TPTE: variants seen among roughly 807,000 people sequenced by gnomAD.
TPTE encodes the protein putative tyrosine-protein phosphatase TPTE.
In TPTE, 59 loss-of-function variants were observed where a neutral mutation model predicts 84.1. The observed-to-expected ratio is 0.70, with a 90% CI of 0.57 to 0.87. The LOEUF (loss-of-function observed/expected upper bound fraction) is 0.87, where lower values mean the gene tolerates loss of function less well. TPTE is among the 40% of genes least tolerant of loss of function. The probability of loss-of-function intolerance (pLI) is 0.00; values close to 1 mark genes in which losing one functional copy is unlikely to be tolerated. For synonymous variants in TPTE, 130 were observed against 223.5 expected, an observed-to-expected ratio of 0.58 and a Z score of 3.73; for missense variants, 382 against 659.6, an observed-to-expected ratio of 0.58 and a Z score of 4.61.
chr21:10,560,107 T>G (rs1190060254), intron 9 of TPTE, among the ~76,000 whole-genome samples: 1 of 152,312 alleles, frequency 6.6e-6, no homozygotes, highest in Non-Finnish European at 1.5e-5. Context: ...AAATGGCTTT[T>G]GCCTAAGATT....
At chr21:10,548,814 G>T (rs1246377684) in intron 7 of TPTE, among the ~76,000 whole-genome samples, 2 of 152,308 alleles carry the variant, frequency 1.3e-5, no homozygotes, top group Non-Finnish European at 2.9e-5. Flanking sequence ...CTCCTGGAGT[G>T]CATGCTTCCA....
At chr21:10,603,784 A>C in intron 23 of TPTE, 152 bp downstream of exon 23, 2 of 1,061,598 alleles carry the variant, frequency 1.9e-6, no homozygotes, top group Non-Finnish European at 2.8e-6. Context: ...TACTCTTCTT[A>C]CTTTGGTTAT....
chr21:10,566,183 C>A (rs1167915047), intron 10 of TPTE, among the ~76,000 whole-genome samples: 1 of 152,308 alleles, frequency 6.6e-6, no homozygotes, highest in Admixed American at 6.5e-5. Context: ...ATAATCTAAT[C>A]TTTTAAATGA....
chr21:10,531,858 G>C (rs2074184159), intron 3 of TPTE, among the ~76,000 whole-genome samples: 1 of 152,302 alleles, frequency 6.6e-6, no homozygotes, highest in Non-Finnish European at 1.5e-5. Flanking sequence ...TGTTAGGTGG[G>C]GATTTGGTTT....
intron 3 of TPTE, among the ~76,000 whole-genome samples, chr21:10,536,526 A>G (rs2074268397): frequency 1.3e-5 from 2 of 152,310 alleles, no homozygotes; most frequent in South Asian, 4.1e-4. Context: ...AGAAATATAT[A>G]TGCAGATATA....
chr21:10,575,276 C>G (rs1194972306), intron 14 of TPTE, among the ~76,000 whole-genome samples: 1 of 152,310 alleles, frequency 6.6e-6, no homozygotes, highest in African/African-American at 2.4e-5. Context: ...AAGCAGGACC[C>G]CAATCAATTC....
intron 10 of TPTE, among the ~76,000 whole-genome samples, chr21:10,566,183 C>G (rs1167915047): frequency 6.6e-6 from 1 of 152,308 alleles, no homozygotes; most frequent in Non-Finnish European, 1.5e-5. Flanking sequence ...ATAATCTAAT[C>G]TTTTAAATGA....
At chr21:10,538,880 A>G in intron 4 of TPTE, 146 bp downstream of exon 4, 2 of 1,562,304 alleles carry the variant, frequency 1.3e-6, no homozygotes, top group Non-Finnish European at 8.8e-7. Context: ...TCCACTAACA[A>G]ATCCATGCAT....
chr21:10,550,677 A>G (rs1227876868), intron 7 of TPTE, among the ~76,000 whole-genome samples: 1 of 152,308 alleles, frequency 6.6e-6, no homozygotes, highest in African/African-American at 2.4e-5. Flanking sequence ...CACTCTCAGC[A>G]TTGGACAAAT....
intron 17 of TPTE, among the ~76,000 whole-genome samples, chr21:10,588,417 G>C (rs1405555176): frequency 6.6e-6 from 1 of 152,308 alleles, no homozygotes; most frequent in African/African-American, 2.4e-5. Flanking sequence ...TGTGTGATCT[G>C]GCCTTTTTCT....
At chr21:10,553,187 C>G (rs1440163354) in intron 8 of TPTE, among the ~76,000 whole-genome samples, 1 of 152,308 alleles carries the variant, frequency 6.6e-6, no homozygotes. Flanking sequence ...TTTCTAATCT[C>G]ACTAGAGTAC....
intron 7 of TPTE, among the ~76,000 whole-genome samples, chr21:10,551,727 ACCT>A (rs1357204995): frequency 1.3e-5 from 2 of 152,412 alleles, no homozygotes; most frequent in East Asian, 3.8e-4. Flanking sequence ...AAAAAAAGAG[ACCT>A]CATAACAGAT....
At chr21:10,561,235 T>A (rs759491726) in intron 10 of TPTE, 44 bp downstream of exon 10, 1 of 1,605,874 alleles carries the variant, frequency 6.2e-7, no homozygotes, top group Non-Finnish European at 8.5e-7. Context: ...ACTTTGTAGT[T>A]TTATAAGAAG....
intron 7 of TPTE, among the ~76,000 whole-genome samples, chr21:10,550,983 A>C (rs1485876077): frequency 6.6e-6 from 1 of 152,306 alleles, no homozygotes; most frequent in African/African-American, 2.4e-5. Context: ...TGGAAATTAA[A>C]CAACATGCCC....
chr21:10,574,291 G>A (rs2075106873), intron 14 of TPTE, among the ~76,000 whole-genome samples: 2 of 152,426 alleles, frequency 1.3e-5, no homozygotes, highest in South Asian at 4.1e-4. Flanking sequence ...GAGGTGGAAG[G>A]AGTACCTCTC....
intron 11 of TPTE, among the ~76,000 whole-genome samples, chr21:10,568,944 G>A (rs2074982653): frequency 6.6e-6 from 1 of 152,312 alleles, no homozygotes; most frequent in Non-Finnish European, 1.5e-5. Context: ...CCTCCCTGAT[G>A]TGTAGTAGCA....
intron 3 of TPTE, among the ~76,000 whole-genome samples, chr21:10,529,003 G>T (rs2074130455): frequency 6.6e-6 from 1 of 152,276 alleles, no homozygotes; most frequent in Non-Finnish European, 1.5e-5. Flanking sequence ...TGGCCATATG[G>T]TAAAACCGCG....
At chr21:10,601,926 TTATG>T in intron 21 of TPTE, 128 bp from the exon 22 acceptor site, 2 of 875,742 alleles carry the variant, frequency 2.3e-6, no homozygotes, top group South Asian at 1.6e-5. Flanking sequence ...TAATAATTAT[TTATG>T]TATGTAGTGA....
intron 3 of TPTE, among the ~76,000 whole-genome samples, chr21:10,529,334 A>T (rs1316222387): frequency 2.0e-5 from 3 of 152,308 alleles, no homozygotes; most frequent in East Asian, 1.9e-4. Context: ...TAGGAAGATG[A>T]TGCAAAGATG....
Sources: allele counts gnomAD v4.1 joint callset (sites outside exome capture counted in the v4.1 genomes callset), GRCh38; gene constraint gnomAD v4.1.1; transcripts MANE v1.5; gene names NCBI Gene and HGNC (gene_info 2026-07-23, HGNC 2026-07-21).